WRN: variants seen among roughly 807,000 people sequenced by gnomAD.
WRN encodes the protein WRN RecQ like helicase.
A neutral mutation model predicts 180.7 loss-of-function variants in WRN; 149 were observed. The ratio of observed to expected loss-of-function variants is 0.82; its 90% CI spans 0.72 to 0.94. WRN has a LOEUF of 0.94. Among genes scored for constraint, WRN ranks in the 40% least tolerant of loss-of-function variants. The pLI, the probability that WRN is intolerant of heterozygous loss-of-function variation, is 0.00. For synonymous variants in WRN, 548 were observed against 568.9 expected (o/e 0.96, Z 0.52); for missense variants, 1,661 against 1,700.1 (o/e 0.98, Z 0.40).
intron 31 of WRN, among the ~76,000 whole-genome samples, chr8:31,153,769 C>T (rs1480962828): frequency 1.3e-5 from 2 of 152,084 alleles, no homozygotes; most frequent in Admixed American, 1.3e-4. Flanking sequence ...TTCTTAAACT[C>T]CCTAATAACA....
chr8:31,064,304 T>TG lies in WRN; in HGVS notation c.229dup (p.Asp77GlyfsTer6), dbSNP rs747587698. The TG allele has an allele frequency of 2.7e-5, 43 of 1,614,070 alleles. No individual in the cohort carries two copies. The highest frequency in any genetic ancestry group is 3.5e-5 in the Non-Finnish European group (41 of 1,179,970). On this transcript the variant is annotated frameshift_variant, in exon 4 of 35. Coordinates refer to ENST00000298139, the MANE Select transcript of WRN (RefSeq NM_000553.6). LOFTEE classifies it high-confidence loss of function. ...CTCACTTTAGCATGAGTCTATCAGA[T>TG]GGGGATGTGGTGGGATTTGACATGG...
chr8:31,089,975 T>C (rs185306589), intron 13 of WRN, among the ~76,000 whole-genome samples: 17 of 152,072 alleles, frequency 1.1e-4, no homozygotes, highest in African/African-American at 4.1e-4. Context: ...GTTAAATATT[T>C]ACTTAACAGT....
chr8:31,080,431 T>C (rs968891925), intron 8 of WRN, among the ~76,000 whole-genome samples: 5 of 145,394 alleles, frequency 3.4e-5, no homozygotes, highest in Non-Finnish European at 6.0e-5. Context: ...TAGGGTTCTT[T>C]TATCACAGTT....
rs192883775 is a variant in WRN at position 31,140,086 on chromosome 8, G to C, written c.2968-1344G>C. On this transcript the variant is annotated intron_variant, in intron 24 of 34. Transcript: ENST00000298139. Reference sequence around the variant, plus strand: ...TCTGTAGTGCAGTGGTGTCATCATAGCTCACTGCAGTCTTGATCTCCTGAG... The same window carrying C: ...TCTGTAGTGCAGTGGTGTCATCATACCTCACTGCAGTCTTGATCTCCTGAG... Among the ~76,000 whole-genome samples, 218 of 122,190 alleles carry C rather than the reference G, an allele frequency of 1.8e-3. 3 individuals carry two copies. The highest frequency in any genetic ancestry group is 2.7e-3 in the Non-Finnish European group (169 of 63,438). The allele number at this position is 122,190 out of a possible 152,430, so 80.2% of individuals were successfully genotyped here. A position where few individuals can be genotyped will look rare whatever the true frequency, so the allele number is the denominator to read the frequency against.
At position 31,173,191 on chromosome 8, in the gene WRN, G is replaced by T. The variant is rs1804168412; in HGVS notation, c.*89G>T. 7.8e-7 allele frequency: 1 copy of T among 1,290,058 alleles called. No homozygotes were observed. Among genetic ancestry groups the T allele is most frequent in the African/African-American group, 1.5e-5 (1 of 67,250 alleles). 79.9% of individuals were successfully genotyped at this position (1,290,058 alleles called of 1,614,324 possible). On this transcript the variant is annotated 3_prime_UTR_variant, in exon 35 of 35. Transcript: ENST00000298139. ...TCTGAAGAGTAAGGAGTAGTATTTT[G>T]GCTTAAAAATCATTCTAATTACAAA... is the stretch of plus-strand genomic sequence containing the variant.
chr8:31,083,096 G>C (rs1813384520), intron 9 of WRN, among the ~76,000 whole-genome samples: 1 of 151,712 alleles, frequency 6.6e-6, no homozygotes, highest in African/African-American at 2.4e-5. Flanking sequence ...ATTTTTGTGG[G>C]GGATCCCATC....
chr8:31,060,055 C>CA (rs1272667569), intron 3 of WRN, among the ~76,000 whole-genome samples: 1,583 of 134,818 alleles, frequency 0.012, 26 homozygotes, highest in African/African-American at 0.034. Flanking sequence ...GGCTCCGTCT[C>CA]AAAAAAAAAA....
At chr8:31,167,686 G>A (rs781506360) in intron 34 of WRN, among the ~76,000 whole-genome samples, 8 of 152,034 alleles carry the variant, frequency 5.3e-5, no homozygotes, top group Non-Finnish European at 1.2e-4. Context: ...TTGTGGCTCT[G>A]AGCATTTCGT....
chr8:31,162,910 T>C (rs563081518), intron 33 of WRN, among the ~76,000 whole-genome samples: 2 of 152,226 alleles, frequency 1.3e-5, no homozygotes, highest in African/African-American at 4.8e-5. Flanking sequence ...ATTGAAGACA[T>C]AGATGGTAAA....
chr8:31,058,281 C>G, intron 1 of WRN, 91 bp from the exon 2 acceptor site: 1 of 598,954 alleles, frequency 1.7e-6, no homozygotes, highest in South Asian at 2.0e-5. Context: ...GTGATTCTAG[C>G]TCTTATAACC....
intron 1 of WRN, among the ~76,000 whole-genome samples, chr8:31,047,138 ATT>A (rs549940818): frequency 0.013 from 1,459 of 115,268 alleles, 15 homozygotes; most frequent in African/African-American, 0.04. Flanking sequence ...GGCAATGCTG[ATT>A]TTTTTTTTTT....
chr8:31,138,388 T>C (rs1802481226), intron 24 of WRN, among the ~76,000 whole-genome samples: 1 of 152,212 alleles, frequency 6.6e-6, no homozygotes, highest in Non-Finnish European at 1.5e-5. Context: ...AAATGATTAC[T>C]ATAATGAAAC....
chr8:31,062,058 C>T (rs1812505946), intron 3 of WRN, among the ~76,000 whole-genome samples: 1 of 152,138 alleles, frequency 6.6e-6, no homozygotes, highest in Non-Finnish European at 1.5e-5. Context: ...TGGGATTCTT[C>T]TCCCTGTTCT....
intron 9 of WRN, among the ~76,000 whole-genome samples, chr8:31,082,492 A>G (rs1392756556): frequency 6.6e-6 from 1 of 152,178 alleles, no homozygotes; most frequent in Non-Finnish European, 1.5e-5. Context: ...GGGAAATATC[A>G]GTTTTTGCTA....
At position 31,141,544 on chromosome 8, in the gene WRN, T is replaced by G. The variant is rs1390412885; in HGVS notation, c.3082T>G (p.Leu1028Val). The G allele has an allele frequency of 6.2e-7, 1 of 1,614,114 alleles. No individual in the cohort carries two copies. ...FSRQLITEGFLVEVSRYNKFM... is the reference protein window; with the variant it reads ...FSRQLITEGFVVEVSRYNKFM... Reference sequence around the variant, plus strand: ...CCGTCAGCTGATCACTGAGGGATTCTTGGTAGAAGTTTCTCGGTATAACAA... The same window carrying G: ...CCGTCAGCTGATCACTGAGGGATTCGTGGTAGAAGTTTCTCGGTATAACAA... The change falls in exon 25 of 35, where the codon TTG becomes GTG. Residue 1028 changes from leucine (L) to valine (V), a missense_variant. By Grantham distance (32) the Leu-to-Val change is conservative. Transcript: ENST00000298139.
intron 33 of WRN, among the ~76,000 whole-genome samples, chr8:31,161,226 A>T (rs1274007565): frequency 6.6e-6 from 1 of 152,086 alleles, no homozygotes; most frequent in Non-Finnish European, 1.5e-5. Flanking sequence ...CAATTTCCTC[A>T]TCTCTAAGAC....
At chr8:31,045,989 G>A (rs957994911) in intron 1 of WRN, among the ~76,000 whole-genome samples, 1 of 151,992 alleles carries the variant, frequency 6.6e-6, no homozygotes, top group Non-Finnish European at 1.5e-5. Context: ...AATAAAATTT[G>A]CTGGTTATCT....
In WRN at chr8:31,141,501, T is replaced by A; in HGVS notation, c.3039T>A (p.Ser1013Arg). ...LFGTGKDQTE[S>R]WWKAFSRQLI... ...GCACTGGCAAGGATCAAACAGAGAG[T>A]TGGTGGAAGGCTTTTTCCCGTCAGC... The change falls in exon 25 of 35, where the codon AGT (serine) becomes AGA (arginine). Residue 1013 changes from serine (S) to arginine (R), a missense_variant. By Grantham distance (110) the Ser-to-Arg change is moderately radical. Around this residue, in one of 3 missense-constraint regions of WRN, gnomAD observed 1,141 missense variants for 1,149.4 expected, o/e 0.99. Transcript: ENST00000298139. 6.2e-7 allele frequency: 1 copy of A among 1,613,892 alleles called. No homozygotes were observed. Among genetic ancestry groups the A allele is most frequent in the Non-Finnish European group, 8.5e-7 (1 of 1,179,964 alleles).
chr8:31,085,382 T>C, intron 11 of WRN, 136 bp downstream of exon 11: 3 of 963,742 alleles, frequency 3.1e-6, no homozygotes, highest in Non-Finnish European at 4.7e-6. Context: ...GATTTCACAT[T>C]TTCCAATTCA....
Sources: gnomAD v4.1 joint callset for allele counts (sites outside exome capture counted in the v4.1 genomes callset) on GRCh38, gnomAD v4.1.1 for gene constraint, gnomAD v4.1.1 regional missense constraint, MANE v1.5 for transcripts, NCBI Gene and HGNC (gene_info 2026-07-23, HGNC 2026-07-21) for gene names.